Variants in DLGAP4 observed in about 807,000 individuals in gnomAD.
The protein encoded by DLGAP4 is DLG associated protein 4.
DLGAP4 carries 18 observed loss-of-function variants against 86.9 expected under a neutral mutation model. The ratio of observed to expected loss-of-function variants is 0.21; its 90% CI spans 0.14 to 0.31. DLGAP4 has a LOEUF of 0.31. DLGAP4 is among the 10% of genes least tolerant of loss of function. The pLI, the probability that DLGAP4 is intolerant of heterozygous loss-of-function variation, is 1.00. For missense variants in DLGAP4, 1,085 were observed against 1,362.6 expected, an observed-to-expected ratio of 0.80 and a Z score of 3.21; for synonymous variants, 548 against 574.3, an observed-to-expected ratio of 0.95 and a Z score of 0.65.
intron 1 of DLGAP4, among the ~76,000 whole-genome samples, chr20:36,363,579 G>C (rs887112388): frequency 1.3e-5 from 2 of 152,144 alleles, no homozygotes; most frequent in African/African-American, 4.8e-5. Flanking sequence ...GGGCCTGAGT[G>C]GCTGGAAGGG....
intron 2 of DLGAP4, among the ~76,000 whole-genome samples, chr20:36,376,109 C>A (rs1172590861): frequency 6.6e-6 from 1 of 151,998 alleles, no homozygotes; most frequent in East Asian, 2.0e-4. Flanking sequence ...AGTGATCCTC[C>A]TGCCTTGGCC....
chr20:36,338,206 A>T (rs879964641), intron 1 of DLGAP4, among the ~76,000 whole-genome samples: 2 of 151,962 alleles, frequency 1.3e-5, no homozygotes, highest in Admixed American at 6.6e-5. Flanking sequence ...ACTGGCAGGG[A>T]CTCACCCACG....
chr20:36,464,313 A>G (rs1444444128), intron 7 of DLGAP4, among the ~76,000 whole-genome samples: 1 of 152,210 alleles, frequency 6.6e-6, no homozygotes, highest in Non-Finnish European at 1.5e-5. Context: ...TAATCCTAGC[A>G]CTTTGGGAGG....
At chr20:36,489,855 CTTT>C (rs764797081) in intron 7 of DLGAP4, among the ~76,000 whole-genome samples, 5 of 107,990 alleles carry the variant, frequency 4.6e-5, no homozygotes, top group Admixed American at 9.4e-5. Flanking sequence ...GCTAATTCTT[CTTT>C]TTTTTTTTTT....
In DLGAP4 at chr20:36,318,497, C is replaced by T. The variant is rs1002269266; in HGVS notation, c.-304+11985C>T. On this transcript the variant is annotated intron_variant, in intron 1 of 12. Coordinates refer to ENST00000339266, the MANE Select transcript of DLGAP4 (RefSeq NM_001365621.2). Reference sequence around the variant, plus strand: ...AAGTGTTCCTCCCCACTCAGCCTCCCGAGTAGCTGGGACTACAGGGGTGCA... The same window carrying T: ...AAGTGTTCCTCCCCACTCAGCCTCCTGAGTAGCTGGGACTACAGGGGTGCA... Among the ~76,000 whole-genome samples, 29 of 152,298 alleles carry T rather than the reference C, an allele frequency of 1.9e-4. 1 individual carries two copies. The highest frequency in any genetic ancestry group is 3.5e-4 in the Non-Finnish European group (24 of 68,018).
chr20:36,445,409 C>G (rs2033564357), intron 6 of DLGAP4, among the ~76,000 whole-genome samples: 1 of 152,170 alleles, frequency 6.6e-6, no homozygotes, highest in Non-Finnish European at 1.5e-5. Flanking sequence ...GAGGCTGAGG[C>G]AGAAGAATTG....
intron 10 of DLGAP4, among the ~76,000 whole-genome samples, chr20:36,522,496 A>G (rs951817380): frequency 2.0e-5 from 3 of 152,028 alleles, no homozygotes; most frequent in Non-Finnish European, 4.4e-5. Context: ...ATTATTTCAA[A>G]TAAGAGATTA....
rs1569520788 is a variant in DLGAP4, at chr20:36,500,349, G to C, written c.2250G>C (p.Arg750=). 1 of 1,613,312 alleles carries C rather than the reference G, an allele frequency of 6.2e-7. No individual in the cohort carries two copies. Among genetic ancestry groups the C allele is most frequent in the Non-Finnish European group, 8.5e-7 (1 of 1,179,606 alleles). The change falls in exon 10 of 13, where the codon CGG becomes CGC. Residue 750 remains arginine, a synonymous_variant. Coordinates refer to ENST00000339266, the MANE Select transcript of DLGAP4 (RefSeq NM_001365621.2). The surrounding 1 kb of genome is among the most constrained non-coding windows in gnomAD (Gnocchi z 4.6). ...CCATCAGCATCGATGCCGGTCCCCG[G>C]CAGGCCCCCAAGATTGCCCAGATCA... ...PNSISIDAGP[R]QAPKIAQIKR... is the part of the protein sequence containing the mutation.
chr20:36,524,392 C>T, intron 11 of DLGAP4, 51 bp downstream of exon 11: 1 of 1,500,706 alleles, frequency 6.7e-7, no homozygotes, highest in Non-Finnish European at 9.1e-7. Flanking sequence ...CTTTGGCTGC[C>T]CACTATACTC....
chr20:36,323,374 C>T (rs2065188166), intron 1 of DLGAP4, among the ~76,000 whole-genome samples: 1 of 152,096 alleles, frequency 6.6e-6, no homozygotes, highest in African/African-American at 2.4e-5. Flanking sequence ...CTCTTTTGTG[C>T]TAACTTCTTT....
At chr20:36,436,890 C>G (rs991055117) in intron 4 of DLGAP4, among the ~76,000 whole-genome samples, 2 of 152,176 alleles carry the variant, frequency 1.3e-5, no homozygotes, top group Admixed American at 6.5e-5. Flanking sequence ...CTTTTCTCCC[C>G]ACTTCGGGTG....
At chr20:36,526,254 A>T (rs2037751363) in intron 12 of DLGAP4, 2 of 621,344 alleles carry the variant, frequency 3.2e-6, no homozygotes, top group Non-Finnish European at 5.7e-6. Flanking sequence ...ATCCTGGGAG[A>T]GGCACGCCCA....
At chr20:36,466,936 CTCTCTCTCTG>C (rs1240937133) in intron 7 of DLGAP4, among the ~76,000 whole-genome samples, 2 of 149,000 alleles carry the variant, frequency 1.3e-5, no homozygotes, top group African/African-American at 5.1e-5. Context: ...CTCTCTCTCT[CTCTCTCTCTG>C]TCTCTCTCTC....
chr20:36,527,139 C>T lies in DLGAP4; in HGVS notation c.*108C>T, dbSNP rs2037821699. Reference sequence around the variant, plus strand: ...TTGCTATGGTTATTCTGTCTAGAGACCCTGAGCCAACTTTCAAATTGACGC... The same window carrying T: ...TTGCTATGGTTATTCTGTCTAGAGATCCTGAGCCAACTTTCAAATTGACGC... On this transcript the variant is annotated 3_prime_UTR_variant, in exon 13 of 13. Transcript: ENST00000339266. The T allele has an allele frequency of 8.2e-7, 1 of 1,214,402 alleles. No homozygotes were observed. Among genetic ancestry groups the T allele is most frequent in the South Asian group, 1.9e-5 (1 of 52,056 alleles). The allele number at this position is 1,214,402 out of a possible 1,614,324, so 75.2% of individuals were successfully genotyped here. A position where few individuals can be genotyped will look rare whatever the true frequency, so the allele number is the denominator to read the frequency against.
intron 7 of DLGAP4, among the ~76,000 whole-genome samples, chr20:36,448,660 A>T (rs746421766): frequency 2.0e-5 from 3 of 152,192 alleles, no homozygotes; most frequent in Non-Finnish European, 4.4e-5. Flanking sequence ...GGGGCTGGGC[A>T]TGGTGGCTCA....
chr20:36,342,861 G>A (rs538967615), intron 1 of DLGAP4, among the ~76,000 whole-genome samples: 2 of 152,220 alleles, frequency 1.3e-5, no homozygotes, highest in African/African-American at 2.4e-5. Context: ...CAGCAGAGGC[G>A]ACATTTGTGC....
At position 36,453,447 on chromosome 20, in the gene DLGAP4, C is replaced by G. The variant is rs149739301; in HGVS notation, c.1648+6510C>G. ...GGAGGATCACTTGAGCCCAGGAGTT[C>G]AAGATCAGCCTGGGCAACATAGTGA... On this transcript the variant is annotated intron_variant, in intron 7 of 12. Coordinates refer to ENST00000339266, the MANE Select transcript of DLGAP4 (RefSeq NM_001365621.2). 4.0e-3 allele frequency among the ~76,000 whole-genome samples: 609 copies of G among 152,130 alleles called. 6 individuals carry two copies. The highest frequency in any genetic ancestry group is 0.013 in the African/African-American group (526 of 41,476).
chr20:36,484,637 G>A (rs541896002), intron 7 of DLGAP4, among the ~76,000 whole-genome samples: 93 of 152,374 alleles, frequency 6.1e-4, no homozygotes, highest in African/African-American at 1.7e-3. Flanking sequence ...TCACCCAGCC[G>A]GAACTGAGAC....
intron 1 of DLGAP4, among the ~76,000 whole-genome samples, chr20:36,337,404 T>G: frequency 1.3e-5 from 2 of 151,282 alleles, no homozygotes; most frequent in African/African-American, 2.4e-5. Context: ...AGGCTTCAGG[T>G]TGGGGATGTG....
Sources: allele counts gnomAD v4.1 joint callset (sites outside exome capture counted in the v4.1 genomes callset), GRCh38; gene constraint gnomAD v4.1.1; non-coding constraint Gnocchi (gnomAD v3.1); transcripts MANE v1.5; gene names NCBI Gene and HGNC (gene_info 2026-07-23, HGNC 2026-07-21).